The following ATXN10 variants were observed in gnomAD, a reference collection of about 807,000 sequenced individuals.
ATXN10 encodes ataxin 10.
In ATXN10, 28 loss-of-function variants were observed where a neutral mutation model predicts 52.9. The observed-to-expected ratio is 0.53, with a 90% confidence interval of 0.39 to 0.73. The LOEUF is 0.73. ATXN10 is among the 30% of genes least tolerant of loss of function. The probability of loss-of-function intolerance (pLI) is 0.00; values close to 1 mark genes in which losing one functional copy is unlikely to be tolerated. For synonymous variants in ATXN10, 226 were observed against 221.5 expected (o/e 1.02, Z -0.18); for missense variants, 565 against 577.0 (o/e 0.98, Z 0.21).
At chr22:45,747,774 G>A (rs1185891934) in intron 9 of ATXN10, among the ~76,000 whole-genome samples, 1 of 152,108 alleles carries the variant, frequency 6.6e-6, no homozygotes, top group Non-Finnish European at 1.5e-5. Flanking sequence ...ACCTCCTTGT[G>A]GGGTTGGGAG....
At chr22:45,720,960 C>A (rs1298529532) in intron 6 of ATXN10, among the ~76,000 whole-genome samples, 9 of 152,204 alleles carry the variant, frequency 5.9e-5, no homozygotes, top group Admixed American at 5.9e-4. Flanking sequence ...GTGAGCATTA[C>A]AGAGACACAG....
chr22:45,817,457 G>A (rs571461242), intron 10 of ATXN10, among the ~76,000 whole-genome samples: 1 of 151,664 alleles, frequency 6.6e-6, no homozygotes, highest in South Asian at 2.1e-4. Context: ...CTCTAGTAGC[G>A]GGAATTACAG....
chr22:45,778,289 T>G (rs989090640), intron 9 of ATXN10, among the ~76,000 whole-genome samples: 1 of 152,234 alleles, frequency 6.6e-6, no homozygotes, highest in African/African-American at 2.4e-5. Flanking sequence ...GAGTATATAT[T>G]ATGAACTTAC....
rs1042534344 is a variant in ATXN10, at chr22:45,835,877, A to G, written c.1238-7114A>G. The stretch of plus-strand genomic sequence containing the variant: ...ACACTTTCAGTATTAGCAATTAGCC[A>G]TTAATTGGTAAATTGGAGGGTATAC... On this transcript the variant is annotated intron_variant, in intron 10 of 11. Coordinates refer to ENST00000252934, the MANE Select transcript of ATXN10 (RefSeq NM_013236.4). The surrounding 1 kb of genome is among the most constrained non-coding windows in gnomAD (Gnocchi z 5.0). Among the ~76,000 whole-genome samples, 1 of 152,206 alleles carries G rather than the reference A, an allele frequency of 6.6e-6. No individual in the cohort carries two copies. The highest frequency in any genetic ancestry group is 6.5e-5 in the Admixed American group (1 of 15,286).
At chr22:45,699,238 G>A (rs1415987309) in intron 3 of ATXN10, among the ~76,000 whole-genome samples, 1 of 152,004 alleles carries the variant, frequency 6.6e-6, no homozygotes, top group Non-Finnish European at 1.5e-5. Context: ...TAAGCTGTTT[G>A]GTAAAGTAAA....
At position 45,816,995 on chromosome 22, in the gene ATXN10, G is replaced by A. The variant is rs1186948905; in HGVS notation, c.1237+9973G>A. ...ACCTCGAGATGGCGCAGCTGGCTAG[G>A]CTCGGTGTGGTTTGTAAAAGATAGC... On this transcript the variant is annotated intron_variant, in intron 10 of 11. Coordinates refer to ENST00000252934, the MANE Select transcript of ATXN10 (RefSeq NM_013236.4). The surrounding 1 kb of genome is among the most constrained non-coding windows in gnomAD (Gnocchi z 5.8). 6.6e-6 allele frequency among the ~76,000 whole-genome samples: 1 copy of A among 152,328 alleles called. No homozygotes were observed. The highest frequency in any genetic ancestry group is 1.9e-4 in the East Asian group (1 of 5,184).
chr22:45,819,879 G>A lies in ATXN10; in HGVS notation c.1237+12857G>A, dbSNP rs1050688307. The stretch of plus-strand genomic sequence containing the variant: ...GCCACACAGATTATATATTTTGTGA[G>A]ACACTTGAGAGACTGGGTAGCCAAA... On this transcript the variant is annotated intron_variant, in intron 10 of 11. Coordinates refer to ENST00000252934, the MANE Select transcript of ATXN10 (RefSeq NM_013236.4). The surrounding 1 kb of genome is among the most constrained non-coding windows in gnomAD (Gnocchi z 4.5). Among the ~76,000 whole-genome samples the A allele has an allele frequency of 6.6e-6, 1 of 152,176 alleles. No homozygotes were observed. The highest frequency in any genetic ancestry group is 2.4e-5 in the African/African-American group (1 of 41,448).
intron 9 of ATXN10, among the ~76,000 whole-genome samples, chr22:45,743,367 T>A (rs1483615665): frequency 6.6e-6 from 1 of 152,228 alleles, no homozygotes; most frequent in Non-Finnish European, 1.5e-5. Flanking sequence ...TGCTAGAGTG[T>A]TCTTTATTCT....
chr22:45,672,206 C>A, intron 1 of ATXN10, 27 bp downstream of exon 1: 1 of 1,511,908 alleles, frequency 6.6e-7, no homozygotes. Flanking sequence ...GGGGGCTGCC[C>A]CGGGCAGGGG....
At position 45,820,034 on chromosome 22, in the gene ATXN10, C is replaced by T. The variant is rs1928597045; in HGVS notation, c.1237+13012C>T. On this transcript the variant is annotated intron_variant, in intron 10 of 11. Transcript: ENST00000252934. This position sits in a 1 kb window ranked among gnomAD's most constrained non-coding sequence, Gnocchi z 4.9. Reference sequence around the variant, plus strand: ...GTGAGTGTGTCACAGCCATTCAGCACTGTTGGACTGTAACTCCTGGGCTGT... The same window carrying T: ...GTGAGTGTGTCACAGCCATTCAGCATTGTTGGACTGTAACTCCTGGGCTGT... 6.6e-6 allele frequency among the ~76,000 whole-genome samples: 1 copy of T among 152,188 alleles called. No homozygotes were observed. Among genetic ancestry groups the T allele is most frequent in the Admixed American group, 6.5e-5 (1 of 15,284 alleles).
At chr22:45,720,074 T>G (rs1924591043) in intron 6 of ATXN10, among the ~76,000 whole-genome samples, 1 of 152,246 alleles carries the variant, frequency 6.6e-6, no homozygotes, top group Admixed American at 6.5e-5. Context: ...GTATATTGAT[T>G]AATGTAATCT....
Position 45,812,030 on chromosome 22 carries a change from C to T in ATXN10, c.1237+5008C>T, listed in dbSNP as rs1420524345. 5.3e-5 allele frequency among the ~76,000 whole-genome samples: 8 copies of T among 152,272 alleles called. No individual in the cohort carries two copies. The East Asian group carries it at 7.7e-4, about 15-fold the overall frequency. ...CTTCAGCATTCCCCAGGCACACCTA[C>T]GTTTTTGTTTCCGAGAAGGATCTCA... On this transcript the variant is annotated intron_variant, in intron 10 of 11. Transcript: ENST00000252934.
In ATXN10 at chr22:45,759,042, G is replaced by T. The variant is rs1926280788; in HGVS notation, c.1173+18504G>T. Among the ~76,000 whole-genome samples, 1 of 152,118 alleles carries T rather than the reference G, an allele frequency of 6.6e-6. No individual in the cohort carries two copies. Among genetic ancestry groups the T allele is most frequent in the South Asian group, 2.1e-4 (1 of 4,826 alleles). On this transcript the variant is annotated intron_variant, in intron 9 of 11. Coordinates refer to ENST00000252934, the MANE Select transcript of ATXN10 (RefSeq NM_013236.4). The surrounding 1 kb of genome is among the most constrained non-coding windows in gnomAD (Gnocchi z 5.4). ...TTAGAAGTACCATTCTTATTTAAAGGCAGTATATCTCATATCTTTAAAGAT... is the reference window on the plus strand; with the variant it reads ...TTAGAAGTACCATTCTTATTTAAAGTCAGTATATCTCATATCTTTAAAGAT...
At chr22:45,724,646 C>T (rs767299641) in intron 6 of ATXN10, among the ~76,000 whole-genome samples, 32 of 152,110 alleles carry the variant, frequency 2.1e-4, no homozygotes, top group Non-Finnish European at 4.3e-4. Context: ...TTATTTCTTC[C>T]GCTGTGCAGA....
rs1320840605 is a variant in ATXN10, at chr22:45,733,503, G to C, written c.894+3913G>C. 6.6e-6 allele frequency among the ~76,000 whole-genome samples: 1 copy of C among 152,122 alleles called. No individual in the cohort carries two copies. The highest frequency in any genetic ancestry group is 1.5e-5 in the Non-Finnish European group (1 of 68,020). ...TAATCCCAGCACTTTAGGAGGTCGAGGTGGGCAGATTGCCTGAGGTCAGGA... is the reference window on the plus strand; with the variant it reads ...TAATCCCAGCACTTTAGGAGGTCGACGTGGGCAGATTGCCTGAGGTCAGGA... On this transcript the variant is annotated intron_variant, in intron 7 of 11. Transcript: ENST00000252934. This position sits in a 1 kb window ranked among gnomAD's most constrained non-coding sequence, Gnocchi z 4.4.
chr22:45,711,906 G>C (rs1397338904), intron 5 of ATXN10, among the ~76,000 whole-genome samples: 1 of 152,116 alleles, frequency 6.6e-6, no homozygotes, highest in Admixed American at 6.5e-5. Context: ...ACACAGTTCT[G>C]ACTTTTTACC....
In ATXN10 at chr22:45,718,411, AGGTTCTT is replaced by A; in HGVS notation, c.648_654del (p.Phe217LeufsTer7). ...CAAACTTTCCTCCTCTTTTTTCCCT[AGGTTCTT>A]GATTATTACAGACCTCTTTCTGAAA... On this transcript the variant is annotated splice_acceptor_variant and coding_sequence_variant, in exon 6 of 12. Coordinates refer to ENST00000252934, the MANE Select transcript of ATXN10 (RefSeq NM_013236.4). LOFTEE classifies it high-confidence loss of function. This position sits in a 1 kb window ranked among gnomAD's most constrained non-coding sequence, Gnocchi z 4.4. The A allele has an allele frequency of 1.2e-6, 2 of 1,611,736 alleles. No individual in the cohort carries two copies. Among genetic ancestry groups the A allele is most frequent in the Non-Finnish European group, 1.7e-6 (2 of 1,177,986 alleles).
chr22:45,788,002 C>G (rs1465076765), intron 9 of ATXN10, among the ~76,000 whole-genome samples: 2 of 152,070 alleles, frequency 1.3e-5, no homozygotes, highest in African/African-American at 4.8e-5. Context: ...GTGCTGATCC[C>G]AAGGTTATAC....
rs541088958 is a variant in ATXN10, at chr22:45,744,483, ATCATTT to A, written c.1173+3948_1173+3953del. 4.6e-5 allele frequency: 7 copies of A among 152,322 alleles called. No individual in the cohort carries two copies. In the East Asian group the frequency reaches 1.3e-3, roughly 29 times the overall value. The allele number at this position is 152,322 out of a possible 1,614,324, so 9.4% of individuals were successfully genotyped here. ...AAAGGGCTGAAAAGATATTTCCACC[ATCATTT>A]TCTAAATGAAGAAACCAAGGCCCCG... On this transcript the variant is annotated intron_variant, in intron 9 of 11. Coordinates refer to ENST00000252934, the MANE Select transcript of ATXN10 (RefSeq NM_013236.4). The surrounding 1 kb of genome is among the most constrained non-coding windows in gnomAD (Gnocchi z 4.9).
Sources: gnomAD v4.1 joint callset for allele counts (sites outside exome capture counted in the v4.1 genomes callset) on GRCh38, gnomAD v4.1.1 for gene constraint, Gnocchi (gnomAD v3.1) non-coding constraint, MANE v1.5 for transcripts, NCBI Gene and HGNC (gene_info 2026-07-23, HGNC 2026-07-21) for gene names.